CNTNAP4: variants seen among roughly 807,000 people sequenced by gnomAD.
The protein encoded by CNTNAP4 is contactin-associated protein-like 4.
Under a neutral mutation model 148.4 loss-of-function variants are expected in CNTNAP4, and 98 were observed. That is an observed-to-expected ratio of 0.66 (90% confidence interval 0.56 to 0.78). The LOEUF (loss-of-function observed/expected upper bound fraction) is 0.78. Ranked by LOEUF, CNTNAP4 falls within the 30% of genes least tolerant of loss-of-function variation. CNTNAP4 has a pLI of 0.00. For missense variants in CNTNAP4, 1,935 were observed against 1,565.6 expected (o/e 1.24, Z -3.98); for synonymous variants, 730 against 565.1 (o/e 1.29, Z -4.14).
At chr16:76,398,347 A>G (rs1283185551) in intron 3 of CNTNAP4, among the ~76,000 whole-genome samples, 3 of 151,992 alleles carry the variant, frequency 2.0e-5, no homozygotes, top group South Asian at 2.1e-4. Context: ...CCTTCAGTCA[A>G]TCAAGTTGAC....
intron 3 of CNTNAP4, among the ~76,000 whole-genome samples, chr16:76,399,175 T>A (rs1487377779): frequency 6.6e-6 from 1 of 152,180 alleles, no homozygotes; most frequent in African/African-American, 2.4e-5. Context: ...CCTTTATAAA[T>A]TACCCATTCT....
intron 2 of CNTNAP4, among the ~76,000 whole-genome samples, chr16:76,349,530 A>G (rs1965197745): frequency 6.6e-6 from 1 of 152,212 alleles, no homozygotes; most frequent in Non-Finnish European, 1.5e-5. Context: ...AAGGGAGCCA[A>G]ACAAATATTG....
At chr16:76,480,807 A>G (rs1445845534) in intron 12 of CNTNAP4, among the ~76,000 whole-genome samples, 2 of 152,186 alleles carry the variant, frequency 1.3e-5, no homozygotes, top group African/African-American at 2.4e-5. Flanking sequence ...TCCAAACTAG[A>G]TATTGATTCC....
At chr16:76,373,839 G>A (rs1003891135) in intron 3 of CNTNAP4, among the ~76,000 whole-genome samples, 1 of 147,840 alleles carries the variant, frequency 6.8e-6, no homozygotes, top group Non-Finnish European at 1.5e-5. Context: ...AGGTTGCAAT[G>A]AGCCAAGATC....
chr16:76,424,949 G>A (rs1048373333), intron 3 of CNTNAP4, among the ~76,000 whole-genome samples: 2 of 152,052 alleles, frequency 1.3e-5, no homozygotes, highest in African/African-American at 2.4e-5. Flanking sequence ...GTGAATCATC[G>A]GGATTGCCAT....
At chr16:76,516,118 T>C (rs1219194931) in intron 15 of CNTNAP4, among the ~76,000 whole-genome samples, 22 of 116,318 alleles carry the variant, frequency 1.9e-4, no homozygotes, top group African/African-American at 6.9e-4. Flanking sequence ...ACAGGCCCCA[T>C]TGTGTGATGT....
chr16:76,297,152 A>T (rs1466835790), intron 1 of CNTNAP4, among the ~76,000 whole-genome samples: 1 of 152,200 alleles, frequency 6.6e-6, no homozygotes, highest in Non-Finnish European at 1.5e-5. Context: ...ACAACAAAAC[A>T]AACAACTGCT....
intron 4 of CNTNAP4, among the ~76,000 whole-genome samples, chr16:76,436,987 G>A (rs10871323): frequency 0.64 from 96,659 of 151,170 alleles, 32,269 homozygotes; most frequent in African/African-American, 0.84. Context: ...CTATCTATCT[G>A]TCTATCTAGG....
chr16:76,320,696 T>C (rs1042587244), intron 2 of CNTNAP4, among the ~76,000 whole-genome samples: 6 of 152,192 alleles, frequency 3.9e-5, no homozygotes, highest in Non-Finnish European at 8.8e-5. Context: ...CAGGTTCTAG[T>C]GTCCCATTTG....
chr16:76,286,557 G>A (rs566797731), intron 1 of CNTNAP4, among the ~76,000 whole-genome samples: 22 of 152,206 alleles, frequency 1.4e-4, no homozygotes, highest in African/African-American at 5.1e-4. Flanking sequence ...CACCGTGGGT[G>A]CTAGTCTTTC....
In CNTNAP4 at chr16:76,522,043, G is replaced by A. The variant is rs576356259; in HGVS notation, c.2541G>A (p.Pro847=). 10 of 1,613,594 alleles carry A rather than the reference G, an allele frequency of 6.2e-6. 1 individual carries two copies. Among genetic ancestry groups the A allele is most frequent in the Middle Eastern group, 3.3e-4 (2 of 6,082 alleles). ...ADFIRIELRS[P]TVVTFSFDVG... is the part of the protein sequence containing the mutation. ...CTTTATGTGTAATATTTCCAGCTCCGACAGTAGTGACTTTTTCATTTGATG... is the reference window on the plus strand; with the variant it reads ...CTTTATGTGTAATATTTCCAGCTCCAACAGTAGTGACTTTTTCATTTGATG... The change falls in exon 17 of 24, where the codon CCG becomes CCA. Residue 847 remains proline, a synonymous_variant. Transcript: ENST00000611870.
chr16:76,414,949 A>G (rs2078923640), intron 3 of CNTNAP4, among the ~76,000 whole-genome samples: 1 of 133,196 alleles, frequency 7.5e-6, no homozygotes, highest in Admixed American at 7.5e-5. Flanking sequence ...CTTTTCAAAA[A>G]CCAACTTGTG....
At chr16:76,354,917 A>T (rs901697619) in intron 2 of CNTNAP4, among the ~76,000 whole-genome samples, 28 of 152,332 alleles carry the variant, frequency 1.8e-4, no homozygotes, top group African/African-American at 6.5e-4. Context: ...CCACAGCTTT[A>T]GTTCCTTCAT....
At chr16:76,543,712 G>A (rs1220725458) in intron 21 of CNTNAP4, among the ~76,000 whole-genome samples, 2 of 152,218 alleles carry the variant, frequency 1.3e-5, no homozygotes, top group Non-Finnish European at 2.9e-5. Flanking sequence ...CCAGGGATGA[G>A]CCTGTCTTGG....
chr16:76,557,918 C>T (rs776317746), intron 23 of CNTNAP4: 2 of 152,132 alleles, frequency 1.3e-5, no homozygotes, highest in Non-Finnish European at 2.9e-5. Flanking sequence ...AGTTAAGAAT[C>T]GCAGTACTTA....
chr16:76,449,646 C>A, intron 6 of CNTNAP4, 69 bp from the exon 7 acceptor site: 2 of 1,305,198 alleles, frequency 1.5e-6, no homozygotes, highest in African/African-American at 1.5e-5. Context: ...GCTATACTTG[C>A]TAATCATAAT....
rs913123049 is a variant in CNTNAP4 at position 76,560,043 on chromosome 16, C to G, written c.*1360C>G. On this transcript the variant is annotated 3_prime_UTR_variant, in exon 24 of 24. Transcript: ENST00000611870. Reference sequence around the variant, plus strand: ...TAGGGTGTATTATACACTAGGAGATCAAAGAATGATCAATAACCTTATGGA... The same window carrying G: ...TAGGGTGTATTATACACTAGGAGATGAAAGAATGATCAATAACCTTATGGA... Among the ~76,000 whole-genome samples, 1 of 152,104 alleles carries G rather than the reference C, an allele frequency of 6.6e-6. No individual in the cohort carries two copies. Among genetic ancestry groups the G allele is most frequent in the African/African-American group, 2.4e-5 (1 of 41,430 alleles).
Position 76,522,660 on chromosome 16 carries a change from C to CCT in CNTNAP4, c.2755+403_2755+404insCT, listed in dbSNP as rs1568496281. ...TTCTTTCTTTCTTTTCTCTCTTTCT[C>CCT]TCTTTCCTTCTTTCTCTCTTTCTCT... On this transcript the variant is annotated intron_variant, in intron 17 of 23. Transcript: ENST00000611870. Among the ~76,000 whole-genome samples, 133 of 92,350 alleles carry CCT rather than the reference C, an allele frequency of 1.4e-3. 5 individuals carry two copies. The highest frequency in any genetic ancestry group is 5.2e-3 in the Middle Eastern group (1 of 194). 60.6% of individuals were successfully genotyped at this position (92,350 alleles called of 152,430 possible).
chr16:76,503,930 A>G (rs918454517), intron 15 of CNTNAP4, among the ~76,000 whole-genome samples: 8 of 152,114 alleles, frequency 5.3e-5, no homozygotes, highest in African/African-American at 1.7e-4. Flanking sequence ...TTTGGTGTAA[A>G]TATAACAAAT....
Sources: gnomAD v4.1 joint callset for allele counts (sites outside exome capture counted in the v4.1 genomes callset) on GRCh38, gnomAD v4.1.1 for gene constraint, MANE v1.5 for transcripts, NCBI Gene and HGNC (gene_info 2026-07-23, HGNC 2026-07-21) for gene names.